EPB41L3: variants seen among roughly 807,000 people sequenced by gnomAD.
EPB41L3 encodes the protein erythrocyte membrane protein band 4.1 like 3, also known as band 4.1-like protein 3.
EPB41L3 carries 57 observed loss-of-function variants against 127.1 expected under a neutral mutation model. The ratio of observed to expected loss-of-function variants is 0.45; its 90% CI spans 0.36 to 0.56. The LOEUF (loss-of-function observed/expected upper bound fraction) is 0.56, where lower values mean the gene tolerates loss of function less well. EPB41L3 is among the 20% of genes least tolerant of loss of function. The probability of loss-of-function intolerance (pLI) is 0.00; values close to 1 mark genes in which losing one functional copy is unlikely to be tolerated. For synonymous variants in EPB41L3, 572 were observed against 549.5 expected, an observed-to-expected ratio of 1.04 and a Z score of -0.57; for missense variants, 1,273 against 1,372.2, an observed-to-expected ratio of 0.93 and a Z score of 1.14.
chr18:5,409,829 A>G (rs2075975609), intron 14 of EPB41L3, among the ~76,000 whole-genome samples: 2 of 152,086 alleles, frequency 1.3e-5, no homozygotes, highest in African/African-American at 4.8e-5. Context: ...ATTAGTACAG[A>G]TATTATTTTT....
intron 3 of EPB41L3, among the ~76,000 whole-genome samples, chr18:5,579,352 G>T (rs539102276): frequency 5.8e-4 from 89 of 152,282 alleles, no homozygotes; most frequent in African/African-American, 2.0e-3. Flanking sequence ...AATCCTAGCT[G>T]TTGTTTTGGC....
Position 5,602,691 on chromosome 18 carries a change from C to T in EPB41L3, c.-306+9649G>A, listed in dbSNP as rs560367756. Among the ~76,000 whole-genome samples the T allele has an allele frequency of 2.0e-5, 3 of 152,322 alleles. No homozygotes were observed. In the East Asian group the frequency reaches 5.8e-4, roughly 29 times the overall value. ...GACCTCATGGCCTCAAGCAATCCTC[C>T]TGCCTCAGCCTCTCAAAGTGCTGGG... On this transcript the variant is annotated intron_variant, in intron 3 of 21. Coordinates refer to the EPB41L3 transcript ENST00000545076.
At chr18:5,449,165 T>C (rs143998628) in intron 3 of EPB41L3, among the ~76,000 whole-genome samples, 1,585 of 152,066 alleles carry the variant, frequency 0.01, 32 homozygotes, top group African/African-American at 0.036. Flanking sequence ...AATTTAAAAA[T>C]GGGCAAAATA....
intron 1 of EPB41L3, among the ~76,000 whole-genome samples, chr18:5,507,132 T>C (rs2092260849): frequency 6.6e-6 from 1 of 152,162 alleles, no homozygotes; most frequent in East Asian, 1.9e-4. Flanking sequence ...CTGACCCTAA[T>C]GTTCCTTATT....
chr18:5,518,837 C>T (rs1319046846), intron 1 of EPB41L3, among the ~76,000 whole-genome samples: 1 of 152,130 alleles, frequency 6.6e-6, no homozygotes, highest in East Asian at 1.9e-4. Flanking sequence ...AATGAACATC[C>T]TTTTACATGG....
At chr18:5,441,087 T>TG (rs1325156540) in intron 5 of EPB41L3, among the ~76,000 whole-genome samples, 6 of 152,316 alleles carry the variant, frequency 3.9e-5, no homozygotes, top group African/African-American at 1.2e-4. Context: ...AAACAGGGTC[T>TG]CATTATGTTG....
At chr18:5,515,159 G>A (rs2092700495) in intron 1 of EPB41L3, among the ~76,000 whole-genome samples, 2 of 152,072 alleles carry the variant, frequency 1.3e-5, no homozygotes, top group African/African-American at 2.4e-5. Context: ...GTCACTTACC[G>A]CAAGCCTTTC....
chr18:5,470,286 A>G (rs2085873394), intron 3 of EPB41L3, among the ~76,000 whole-genome samples: 1 of 152,194 alleles, frequency 6.6e-6, no homozygotes, highest in African/African-American at 2.4e-5. Flanking sequence ...AGACAATCTC[A>G]CACATAAGCT....
At chr18:5,480,451 G>A (rs2088215482) in intron 2 of EPB41L3, among the ~76,000 whole-genome samples, 1 of 152,136 alleles carries the variant, frequency 6.6e-6, no homozygotes, top group South Asian at 2.1e-4. Flanking sequence ...CATATAAGGA[G>A]AGAGAGACAT....
intron 3 of EPB41L3, among the ~76,000 whole-genome samples, chr18:5,586,856 GA>G (rs2094446823): frequency 6.6e-6 from 1 of 152,080 alleles, no homozygotes; most frequent in Non-Finnish European, 1.5e-5. Flanking sequence ...GCAGGTGTTG[GA>G]AAAACAGACT....
chr18:5,525,889 G>A (rs67146836), intron 1 of EPB41L3, among the ~76,000 whole-genome samples: 3,196 of 152,102 alleles, frequency 0.021, 50 homozygotes, highest in Admixed American at 0.031. Flanking sequence ...ACTTCCATCT[G>A]AGAAGATGTC....
chr18:5,500,570 T>C (rs549389689), intron 1 of EPB41L3, among the ~76,000 whole-genome samples: 9 of 152,270 alleles, frequency 5.9e-5, no homozygotes, highest in Non-Finnish European at 1.0e-4. Context: ...CTGGGGATAT[T>C]TGGCCAAGAA....
intron 3 of EPB41L3, among the ~76,000 whole-genome samples, chr18:5,463,347 C>A (rs893561427): frequency 6.6e-6 from 1 of 152,180 alleles, no homozygotes; most frequent in African/African-American, 2.4e-5. Context: ...TTTCCTTCCT[C>A]CCTGGTGTAT....
chr18:5,623,655 C>CTT lies in EPB41L3; in HGVS notation c.-468+5265_-468+5266dup, dbSNP rs368566723. ...AATGACATGGCTTTATCTTTTCATTCTTTTTTTTTTTTAAGACGGTCTTAC... is the reference window on the plus strand; with the variant it reads ...AATGACATGGCTTTATCTTTTCATTCTTTTTTTTTTTTTTAAGACGGTCTTAC... On this transcript the variant is annotated intron_variant, in intron 1 of 21. Transcript: ENST00000545076. 8.4e-3 allele frequency among the ~76,000 whole-genome samples: 1,235 copies of CTT among 147,482 alleles called. 9 individuals are homozygous for CTT. Among genetic ancestry groups the CTT allele is most frequent in the Non-Finnish European group, 9.5e-3 (634 of 66,906 alleles).
Position 5,528,020 on chromosome 18 carries a change from A to T in EPB41L3, c.-12+15893T>A, listed in dbSNP as rs542827534. On this transcript the variant is annotated intron_variant, in intron 1 of 22. Coordinates refer to ENST00000341928, the MANE Select transcript of EPB41L3 (RefSeq NM_012307.5). ...TATAAACATTAAAAACAATACCACAAATAGTTTAGTAATGCTAGAAATAGT... is the reference window on the plus strand; with the variant it reads ...TATAAACATTAAAAACAATACCACATATAGTTTAGTAATGCTAGAAATAGT... Among the ~76,000 whole-genome samples the T allele has an allele frequency of 1.5e-4, 23 of 152,338 alleles. 1 individual carries two copies. In the East Asian group the frequency reaches 4.4e-3, roughly 29 times the overall value.
At chr18:5,624,628 A>T (rs955302963) in intron 1 of EPB41L3, among the ~76,000 whole-genome samples, 1 of 152,176 alleles carries the variant, frequency 6.6e-6, no homozygotes. Flanking sequence ...TACTGACTTG[A>T]CATGGGATTG....
chr18:5,498,741 A>G (rs1201342626), intron 1 of EPB41L3, among the ~76,000 whole-genome samples: 2 of 152,132 alleles, frequency 1.3e-5, no homozygotes, highest in Non-Finnish European at 2.9e-5. Flanking sequence ...TATACATAAG[A>G]GCAAAAGTAT....
chr18:5,623,453 G>A lies in EPB41L3; in HGVS notation c.-468+5469C>T, dbSNP rs904775566. 2.0e-5 allele frequency among the ~76,000 whole-genome samples: 3 copies of A among 152,032 alleles called. No individual in the cohort carries two copies. The South Asian group carries it at 6.2e-4, about 32-fold the overall frequency. On this transcript the variant is annotated intron_variant, in intron 1 of 21. Coordinates refer to the EPB41L3 transcript ENST00000545076. The stretch of plus-strand genomic sequence containing the variant: ...TTATTTTTCTTTTTGCTCATTCCTA[G>A]TGAGCAATGGACTATTTACAACTAT...
intron 21 of EPB41L3, 63 bp from the exon 22 acceptor site, chr18:5,394,856 G>C: frequency 6.8e-7 from 1 of 1,470,948 alleles, no homozygotes; most frequent in Non-Finnish European, 9.5e-7. Context: ...ATGATCAGTG[G>C]TGAGGTGGAG....
Sources: gnomAD v4.1 joint callset for allele counts (sites outside exome capture counted in the v4.1 genomes callset) on GRCh38, gnomAD v4.1.1 for gene constraint, MANE v1.5 for transcripts, NCBI Gene and HGNC (gene_info 2026-07-23, HGNC 2026-07-21) for gene names.